The following CCDC28A variants were observed in gnomAD, a reference collection of about 807,000 sequenced individuals.
CCDC28A encodes the protein coiled-coil domain-containing protein 28A.
In CCDC28A, 24 loss-of-function variants were observed where a neutral mutation model predicts 22.1. The observed-to-expected ratio is 1.09, with a 90% CI of 0.79 to 1.53. The LOEUF (loss-of-function observed/expected upper bound fraction) is 1.53, where lower values mean the gene tolerates loss of function less well. Ranked by LOEUF, CCDC28A falls within the 40% of genes most tolerant of loss-of-function variation. The pLI is 0.00. For synonymous variants in CCDC28A, 83 were observed against 74.7 expected, an observed-to-expected ratio of 1.11 and a Z score of -0.57; for missense variants, 170 against 210.7, an observed-to-expected ratio of 0.81 and a Z score of 1.20.
intron 5 of CCDC28A, among the ~76,000 whole-genome samples, chr6:138,790,524 G>C (rs972582443): frequency 2.0e-5 from 3 of 152,156 alleles, no homozygotes; most frequent in African/African-American, 7.2e-5. Context: ...GACTTAACCT[G>C]TGGTGGAATT....
chr6:138,785,239 C>G lies in CCDC28A; in HGVS notation c.335C>G (p.Ser112Cys). 1 of 1,612,766 alleles carries G rather than the reference C, an allele frequency of 6.2e-7. No individual in the cohort carries two copies. The highest frequency in any genetic ancestry group is 8.5e-7 in the Non-Finnish European group (1 of 1,179,028). The stretch of plus-strand genomic sequence containing the variant: ...GAATGTTCCCAAGGAAATGAATGTT[C>G]CATTGAACAGATGGAACATGTTCGG... ...GKLQAFGNEC[S>C]IEQMEHVRGM... Residue 112 changes from serine (S) to cysteine (C), a missense_variant, in exon 4 of 6, where the codon TCC becomes TGC. Ser to Cys is a moderately radical substitution (Grantham distance 112, BLOSUM62 -1). Coordinates refer to ENST00000617445, the MANE Select transcript of CCDC28A (RefSeq NM_015439.3).
chr6:138,778,233 A>T (rs1774965712), intron 2 of CCDC28A, among the ~76,000 whole-genome samples: 1 of 152,164 alleles, frequency 6.6e-6, no homozygotes, highest in African/African-American at 2.4e-5. Flanking sequence ...AGATGTCTTC[A>T]TTCAACATTA....
intron 4 of CCDC28A, among the ~76,000 whole-genome samples, chr6:138,786,001 G>C (rs1196071396): frequency 6.6e-6 from 1 of 152,116 alleles, no homozygotes; most frequent in African/African-American, 2.4e-5. Flanking sequence ...CTTTGCCAGG[G>C]CTGCCAAAAC....
In CCDC28A at chr6:138,787,224, T is replaced by C. The variant is rs554077367; in HGVS notation, c.478-1142T>C. ...TGATGGTAGGAGGAGATGGGGCCTT[T>C]GGGAGGTGATTCAGGCAAGAATGTG... On this transcript the variant is annotated intron_variant, in intron 4 of 5. Coordinates refer to ENST00000617445, the MANE Select transcript of CCDC28A (RefSeq NM_015439.3). 2.0e-5 allele frequency among the ~76,000 whole-genome samples: 3 copies of C among 152,274 alleles called. No homozygotes were observed. The Middle Eastern group carries it at 0.01, about 518-fold the overall frequency.
chr6:138,774,450 A>G (rs953107063), intron 1 of CCDC28A, among the ~76,000 whole-genome samples: 1 of 152,252 alleles, frequency 6.6e-6, no homozygotes, highest in Non-Finnish European at 1.5e-5. Flanking sequence ...TTGCATGTTG[A>G]AACAACACCA....
chr6:138,791,546 T>G (rs2128363598), intron 5 of CCDC28A, among the ~76,000 whole-genome samples: 1 of 152,352 alleles, frequency 6.6e-6, no homozygotes. Context: ...ACAACCTGTA[T>G]GCACATGCTG....
rs1262428966 is a variant in CCDC28A at position 138,784,984 on chromosome 6, G to A, written c.323-243G>A. Among the ~76,000 whole-genome samples, 9 of 152,276 alleles carry A rather than the reference G, an allele frequency of 5.9e-5. No homozygotes were observed. The East Asian group carries it at 1.5e-3, about 26-fold the overall frequency. On this transcript the variant is annotated intron_variant, in intron 3 of 5. Coordinates refer to ENST00000617445, the MANE Select transcript of CCDC28A (RefSeq NM_015439.3). Reference sequence around the variant, plus strand: ...TGGGATTACAGGCGTGAGCCACCACGCCTGGCCTGAAATATTTCCCATATG... The same window carrying A: ...TGGGATTACAGGCGTGAGCCACCACACCTGGCCTGAAATATTTCCCATATG...
At position 138,793,281 on chromosome 6, in the gene CCDC28A, G is replaced by A. The variant is rs919681615; in HGVS notation, c.*478G>A. 6.5e-6 allele frequency: 1 copy of A among 153,690 alleles called. No individual in the cohort carries two copies. The highest frequency in any genetic ancestry group is 2.4e-5 in the African/African-American group (1 of 41,466). The allele number at this position is 153,690 out of a possible 1,614,324, so 9.5% of individuals were successfully genotyped here. On this transcript the variant is annotated 3_prime_UTR_variant, in exon 6 of 6. Coordinates refer to ENST00000617445, the MANE Select transcript of CCDC28A (RefSeq NM_015439.3). ...TAAGAAATTAAATAAGTATTTGTGA[G>A]ATTTGCTATTTTTTAATAAAGTAAT...
At position 138,773,816 on chromosome 6, in the gene CCDC28A, G is replaced by T. The variant is rs752271453; in HGVS notation, c.-129G>T. 6.7e-5 allele frequency: 108 copies of T among 1,614,128 alleles called. 1 individual carries two copies. The East Asian group carries it at 2.1e-3, about 32-fold the overall frequency. On this transcript the variant is annotated 5_prime_UTR_variant, in exon 1 of 6. Transcript: ENST00000617445. ...GAGCGGGTCCCGGGATGTGACCGGG[G>T]CTCTGCTTGTGGCTGCGGCGGTGGC...
At chr6:138,783,038 T>C (rs1775043181) in intron 3 of CCDC28A, among the ~76,000 whole-genome samples, 1 of 152,174 alleles carries the variant, frequency 6.6e-6, no homozygotes, top group Non-Finnish European at 1.5e-5. Context: ...AATTAGTTGC[T>C]CTGGGCAGAT....
chr6:138,774,187 C>G (rs1774889412), intron 1 of CCDC28A, among the ~76,000 whole-genome samples: 1 of 152,190 alleles, frequency 6.6e-6, no homozygotes, highest in Non-Finnish European at 1.5e-5. Context: ...GCTCTTGTGA[C>G]AGATGTAATT....
In CCDC28A at chr6:138,792,962, ACTCG is replaced by A; in HGVS notation, c.*162_*165del. 1 of 610,016 alleles carries A rather than the reference ACTCG, an allele frequency of 1.6e-6. No homozygotes were observed. The highest frequency in any genetic ancestry group is 2.9e-6 in the Non-Finnish European group (1 of 341,502). The allele number at this position is 610,016 out of a possible 1,614,324, so 37.8% of individuals were successfully genotyped here. A position where few individuals can be genotyped will look rare whatever the true frequency, so the allele number is the denominator to read the frequency against. On this transcript the variant is annotated 3_prime_UTR_variant, in exon 6 of 6. Coordinates refer to ENST00000617445, the MANE Select transcript of CCDC28A (RefSeq NM_015439.3). The stretch of plus-strand genomic sequence containing the variant: ...TCACTTACTGCTTTTAGTAAATGTG[ACTCG>A]CTGTAATTCACCATAACTGGAGGCC...
At position 138,792,736 on chromosome 6, in the gene CCDC28A, C is replaced by CTAAA; in HGVS notation, c.501-12_501-11insAAAT. On this transcript the variant is annotated splice_polypyrimidine_tract_variant and intron_variant, in intron 5 of 5. Transcript: ENST00000617445. The stretch of plus-strand genomic sequence containing the variant: ...CCTTATAGAATGAAAATCTTCTTAA[C>CTAAA]TGATTAATTCAGACAAAAACTCCAT... 1 of 1,570,494 alleles carries CTAAA rather than the reference C, an allele frequency of 6.4e-7. No homozygotes were observed. The highest frequency in any genetic ancestry group is 8.7e-7 in the Non-Finnish European group (1 of 1,144,298).
chr6:138,783,876 CTT>C (rs577197452), intron 3 of CCDC28A, among the ~76,000 whole-genome samples: 37 of 125,382 alleles, frequency 3.0e-4, no homozygotes, highest in Non-Finnish European at 2.2e-4. Flanking sequence ...AGCCAGAACT[CTT>C]TTTTTTTTTT....
chr6:138,787,118 C>T (rs1278501713), intron 4 of CCDC28A, among the ~76,000 whole-genome samples: 1 of 152,132 alleles, frequency 6.6e-6, no homozygotes, highest in East Asian at 1.9e-4. Flanking sequence ...TCACATGTTT[C>T]CTTCTGTAAG....
chr6:138,786,776 C>A (rs1224982976), intron 4 of CCDC28A, among the ~76,000 whole-genome samples: 1 of 152,112 alleles, frequency 6.6e-6, no homozygotes, highest in Non-Finnish European at 1.5e-5. Context: ...CCACCACGCC[C>A]AGCTAATTTT....
At chr6:138,777,857 ACT>A (rs1300998538) in intron 2 of CCDC28A, among the ~76,000 whole-genome samples, 1 of 152,142 alleles carries the variant, frequency 6.6e-6, no homozygotes, top group African/African-American at 2.4e-5. Flanking sequence ...GAAACCTTAT[ACT>A]CTGTAATAGT....
chr6:138,785,273 G>C lies in CCDC28A; in HGVS notation c.369G>C (p.Gln123His). The change falls in exon 4 of 6, where the codon CAG becomes CAC. Residue 123 changes from glutamine to histidine, a missense_variant. By Grantham distance (24) the Gln-to-His change is conservative. Transcript: ENST00000617445. ...AGATGGAACATGTTCGGGGAATGCA[G>C]GAGAAATTAGCTCGCTTGAATTTGG... ...IEQMEHVRGM[Q>H]EKLARLNLEL... The C allele has an allele frequency of 6.2e-7, 1 of 1,613,680 alleles. No individual in the cohort carries two copies. The highest frequency in any genetic ancestry group is 1.1e-5 in the South Asian group (1 of 91,074).
At chr6:138,775,597 A>G (rs750908549) in intron 1 of CCDC28A, among the ~76,000 whole-genome samples, 1 of 152,218 alleles carries the variant, frequency 6.6e-6, no homozygotes, top group Non-Finnish European at 1.5e-5. Flanking sequence ...TCCCTATGAC[A>G]ATTATACATC....
Sources: gnomAD v4.1 joint callset for allele counts (sites outside exome capture counted in the v4.1 genomes callset) on GRCh38, gnomAD v4.1.1 for gene constraint, MANE v1.5 for transcripts, NCBI Gene and HGNC (gene_info 2026-07-23, HGNC 2026-07-21) for gene names.